Variants in ADGRL3 observed in about 807,000 individuals in gnomAD.
ADGRL3 encodes calcium-independent alpha-latrotoxin receptor 3.
In ADGRL3, 62 loss-of-function variants were observed where a neutral mutation model predicts 153.5. That is an observed-to-expected ratio of 0.40 (90% CI 0.33 to 0.50). ADGRL3 has a LOEUF of 0.50. Ranked by LOEUF, ADGRL3 falls within the 20% of genes least tolerant of loss-of-function variation. The pLI is 0.47. For synonymous variants in ADGRL3, 710 were observed against 672.5 expected (o/e 1.06, Z -0.86); for missense variants, 1,641 against 1,859.4 (o/e 0.88, Z 2.16).
chr4:61,660,117 G>A (rs2094552776), intron 5 of ADGRL3, among the ~76,000 whole-genome samples: 1 of 152,142 alleles, frequency 6.6e-6, no homozygotes, highest in South Asian at 2.1e-4. Flanking sequence ...GGCTTTAGTT[G>A]AATGATATTC....
intron 9 of ADGRL3, among the ~76,000 whole-genome samples, chr4:61,882,692 G>T (rs1279714783): frequency 6.6e-6 from 1 of 152,128 alleles, no homozygotes; most frequent in African/African-American, 2.4e-5. Context: ...CCACCTCACT[G>T]TGTCTAGACC....
chr4:61,590,720 G>T (rs375994725), intron 5 of ADGRL3, among the ~76,000 whole-genome samples: 5 of 152,058 alleles, frequency 3.3e-5, no homozygotes, highest in Non-Finnish European at 5.9e-5. Flanking sequence ...AAGGAAGAAG[G>T]CTCTTTCAGC....
chr4:61,577,345 G>T (rs567351930), intron 4 of ADGRL3, among the ~76,000 whole-genome samples: 1 of 151,890 alleles, frequency 6.6e-6, no homozygotes, highest in African/African-American at 2.4e-5. Flanking sequence ...TTAAAATTTT[G>T]TATAGTTTTA....
intron 17 of ADGRL3, among the ~76,000 whole-genome samples, chr4:61,956,457 T>G (rs534733160): frequency 2.8e-4 from 43 of 152,304 alleles, no homozygotes; most frequent in African/African-American, 1.0e-3. Flanking sequence ...GATGGGTAGA[T>G]TGCAAAATTT....
In ADGRL3 at chr4:62,072,823, C is replaced by T. The variant is rs1272214158; in HGVS notation, c.*1915C>T. 1 of 152,038 alleles carries T rather than the reference C, an allele frequency of 6.6e-6. No individual in the cohort carries two copies. The allele number at this position is 152,038 out of a possible 1,614,324, so 9.4% of individuals were successfully genotyped here. On this transcript the variant is annotated 3_prime_UTR_variant, in exon 27 of 27. Transcript: ENST00000683033. The stretch of plus-strand genomic sequence containing the variant: ...GCTGGGTGAGTCATATTTTTTCCTC[C>T]TTTGTACATTGCATTTTGATGTTAG...
intron 2 of ADGRL3, among the ~76,000 whole-genome samples, chr4:61,399,720 A>C (rs904334132): frequency 6.6e-6 from 1 of 151,712 alleles, no homozygotes; most frequent in Non-Finnish European, 1.5e-5. Flanking sequence ...AGAGTGTTGG[A>C]CTTAATGACT....
chr4:61,399,626 T>G (rs1240365130), intron 2 of ADGRL3, among the ~76,000 whole-genome samples: 1 of 151,660 alleles, frequency 6.6e-6, no homozygotes, highest in Non-Finnish European at 1.5e-5. Flanking sequence ...AAATGTTAAA[T>G]CAACATCTAA....
At chr4:61,918,372 T>A (rs2098753874) in intron 13 of ADGRL3, among the ~76,000 whole-genome samples, 1 of 152,188 alleles carries the variant, frequency 6.6e-6, no homozygotes, top group Non-Finnish European at 1.5e-5. Flanking sequence ...AAGTTAAATA[T>A]GTCATTAAAT....
At chr4:61,629,901 G>A (rs1280108461) in intron 5 of ADGRL3, among the ~76,000 whole-genome samples, 1 of 151,940 alleles carries the variant, frequency 6.6e-6, no homozygotes, top group Non-Finnish European at 1.5e-5. Flanking sequence ...AATCAATTCT[G>A]TCTAAACATT....
chr4:61,842,665 T>TA (rs2098050997), intron 9 of ADGRL3, among the ~76,000 whole-genome samples: 1 of 152,200 alleles, frequency 6.6e-6, no homozygotes, highest in African/African-American at 2.4e-5. Flanking sequence ...ATCAGAATCT[T>TA]ATTAATGTAT....
In ADGRL3 at chr4:61,517,665, T is replaced by A; in HGVS notation, c.259+147T>A. The A allele has an allele frequency of 9.9e-6, 6 of 609,112 alleles. No individual in the cohort carries two copies. In the South Asian group the frequency reaches 1.2e-4, roughly 12 times the overall value. The allele number at this position is 609,112 out of a possible 1,614,324, so 37.7% of individuals were successfully genotyped here. ...TGGCTGATATTACCACTTAGTGATA[T>A]CCTGGCCATTTTTTTTTTAAGGCTT... On this transcript the variant is annotated intron_variant, in intron 4 of 26. Coordinates refer to ENST00000683033, the MANE Select transcript of ADGRL3 (RefSeq NM_001387552.1).
At position 61,926,339 on chromosome 4, in the gene ADGRL3, C is replaced by G. The variant is rs566280131; in HGVS notation, c.2113-8501C>G. 6.6e-4 allele frequency among the ~76,000 whole-genome samples: 100 copies of G among 152,282 alleles called. 1 individual carries two copies. The highest frequency in any genetic ancestry group is 1.6e-3 in the Admixed American group (25 of 15,288). On this transcript the variant is annotated intron_variant, in intron 13 of 26. Transcript: ENST00000683033. ...CCACCCACACATATACTTTTATACC[C>G]ACTACCTTTACCTTTTGAAAAACAA...
At chr4:61,700,385 T>G (rs960448845) in intron 6 of ADGRL3, among the ~76,000 whole-genome samples, 1 of 152,054 alleles carries the variant, frequency 6.6e-6, no homozygotes, top group African/African-American at 2.4e-5. Context: ...AATAGCAAAT[T>G]TTGATTGAAG....
intron 4 of ADGRL3, among the ~76,000 whole-genome samples, chr4:61,517,757 T>C (rs1001582257): frequency 6.6e-6 from 1 of 152,236 alleles, no homozygotes; most frequent in East Asian, 1.9e-4. Context: ...TTAAAATACT[T>C]GATTGGGTTT....
At chr4:61,605,315 T>A (rs750138515) in intron 5 of ADGRL3, among the ~76,000 whole-genome samples, 9 of 152,078 alleles carry the variant, frequency 5.9e-5, no homozygotes, top group Non-Finnish European at 1.2e-4. Context: ...TCATAGAATT[T>A]GGATCTTAAA....
chr4:61,757,991 A>T (rs1026070173), intron 8 of ADGRL3, among the ~76,000 whole-genome samples: 31 of 152,170 alleles, frequency 2.0e-4, no homozygotes, highest in African/African-American at 5.3e-4. Flanking sequence ...AGAGACAGTT[A>T]GTTATAATTT....
At chr4:61,461,514 A>T (rs1418881209) in intron 2 of ADGRL3, among the ~76,000 whole-genome samples, 1 of 152,188 alleles carries the variant, frequency 6.6e-6, no homozygotes, top group Non-Finnish European at 1.5e-5. Flanking sequence ...ATTTTGTATC[A>T]ATAAATAAAT....
intron 1 of ADGRL3, among the ~76,000 whole-genome samples, chr4:61,276,387 A>G (rs933814170): frequency 6.6e-6 from 1 of 152,126 alleles, no homozygotes; most frequent in Non-Finnish European, 1.5e-5. Context: ...TTCATTTGTT[A>G]TACATTTGCC....
At chr4:61,994,220 T>G (rs1463527410) in intron 19 of ADGRL3, among the ~76,000 whole-genome samples, 1 of 152,178 alleles carries the variant, frequency 6.6e-6, no homozygotes, top group Non-Finnish European at 1.5e-5. Flanking sequence ...GGTTCATGAC[T>G]CACCACAGCC....
Sources: gnomAD v4.1 joint callset for allele counts (sites outside exome capture counted in the v4.1 genomes callset) on GRCh38, gnomAD v4.1.1 for gene constraint, MANE v1.5 for transcripts, NCBI Gene and HGNC (gene_info 2026-07-23, HGNC 2026-07-21) for gene names.